MDGA1: variants seen among roughly 807,000 people sequenced by gnomAD.
MDGA1 encodes MAM domain-containing glycosylphosphatidylinositol anchor protein 1.
Under a neutral mutation model 101.5 loss-of-function variants are expected in MDGA1, and 54 were observed. The observed-to-expected ratio is 0.53, with a 90% CI of 0.43 to 0.67. The LOEUF (loss-of-function observed/expected upper bound fraction) is 0.67. Ranked by LOEUF, MDGA1 falls within the 30% of genes least tolerant of loss-of-function variation. The pLI, the probability that MDGA1 is intolerant of heterozygous loss-of-function variation, is 0.00. For missense variants in MDGA1, 1,083 were observed against 1,323.8 expected (o/e 0.82, Z 2.82); for synonymous variants, 533 against 558.3 (o/e 0.95, Z 0.64).
At chr6:37,641,679 T>C (rs974064937) in intron 14 of MDGA1, 2 of 152,228 alleles carry the variant, frequency 1.3e-5, no homozygotes, top group Non-Finnish European at 2.9e-5. Flanking sequence ...ACATAAAACA[T>C]AGCCAGTGCT....
At chr6:37,664,192 G>T in intron 1 of MDGA1, 86 bp from the exon 2 acceptor site, 1 of 1,555,270 alleles carries the variant, frequency 6.4e-7, no homozygotes. Flanking sequence ...GTGTATCTGG[G>T]AGGGGTCAGC....
chr6:37,664,230 G>A (rs766630397), intron 1 of MDGA1, 124 bp from the exon 2 acceptor site: 6 of 1,252,024 alleles, frequency 4.8e-6, no homozygotes, highest in Non-Finnish European at 6.8e-6. Flanking sequence ...ATTCCTCAGA[G>A]GCCTGACCCC....
chr6:37,632,527 T>A lies in MDGA1; in HGVS notation c.*4841A>T, dbSNP rs1450332765. ...CGGCTGACGCTGAGCGCTAGAACAC[T>A]GCAGCTTTATTGATAGAACAACCGC... On this transcript the variant is annotated 3_prime_UTR_variant, in exon 17 of 17. Coordinates refer to ENST00000434837, the MANE Select transcript of MDGA1 (RefSeq NM_153487.4). 1 of 152,772 alleles carries A rather than the reference T, an allele frequency of 6.5e-6. No individual in the cohort carries two copies. Among genetic ancestry groups the A allele is most frequent in the Non-Finnish European group, 1.5e-5 (1 of 68,094 alleles). 9.5% of individuals were successfully genotyped at this position (152,772 alleles called of 1,614,324 possible).
chr6:37,635,388 G>A lies in MDGA1; in HGVS notation c.*1980C>T, dbSNP rs1451956588. On this transcript the variant is annotated 3_prime_UTR_variant, in exon 17 of 17. Coordinates refer to ENST00000434837, the MANE Select transcript of MDGA1 (RefSeq NM_153487.4). ...CAGTCTAGTTGGGGCAATGGACTCTGCACAGATGGGACAGTTAAGGAACAA... is the reference window on the plus strand; with the variant it reads ...CAGTCTAGTTGGGGCAATGGACTCTACACAGATGGGACAGTTAAGGAACAA... The A allele has an allele frequency of 7.5e-6, 3 of 398,010 alleles. No individual in the cohort carries two copies. Among genetic ancestry groups the A allele is most frequent in the Non-Finnish European group, 1.3e-5 (3 of 226,124 alleles). 24.7% of individuals were successfully genotyped at this position (398,010 alleles called of 1,614,324 possible).
At chr6:37,659,070 G>A (rs1031472405) in intron 2 of MDGA1, among the ~76,000 whole-genome samples, 27 of 152,212 alleles carry the variant, frequency 1.8e-4, no homozygotes, top group Middle Eastern at 6.8e-3. Context: ...GGCTCACTTG[G>A]GGAGGAATTG....
intron 1 of MDGA1, among the ~76,000 whole-genome samples, chr6:37,694,218 C>T (rs118152566): frequency 6.6e-6 from 1 of 152,208 alleles, no homozygotes; most frequent in Non-Finnish European, 1.5e-5. Context: ...AGGCTTCCAG[C>T]CTCTTCTCTC....
At chr6:37,647,085 G>T (rs574364508) in intron 10 of MDGA1, 88 bp downstream of exon 10, 3 of 1,278,208 alleles carry the variant, frequency 2.3e-6, no homozygotes, top group Non-Finnish European at 1.1e-6. Context: ...CCCCATCTCC[G>T]ACCCTTCCTC....
intron 1 of MDGA1, among the ~76,000 whole-genome samples, chr6:37,671,526 G>A (rs975884823): frequency 6.6e-6 from 1 of 152,222 alleles, no homozygotes; most frequent in Non-Finnish European, 1.5e-5. Context: ...AGCCGAGGCA[G>A]AATGCTGCTG....
intron 1 of MDGA1, among the ~76,000 whole-genome samples, chr6:37,681,766 AC>A (rs1762101438): frequency 1.5e-5 from 2 of 137,770 alleles, no homozygotes; most frequent in Non-Finnish European, 3.1e-5. Flanking sequence ...ACACACACAC[AC>A]TGATCTCCAA....
chr6:37,655,715 C>T lies in MDGA1; in HGVS notation c.564G>A (p.Glu188=). 6 of 1,610,618 alleles carry T rather than the reference C, an allele frequency of 3.7e-6. No individual in the cohort carries two copies. The highest frequency in any genetic ancestry group is 1.7e-4 in the Middle Eastern group (1 of 6,054). The change falls in exon 4 of 17, where the codon GAG becomes GAA. Residue 188 remains glutamate (E), a synonymous_variant. Coordinates refer to ENST00000434837, the MANE Select transcript of MDGA1 (RefSeq NM_153487.4). This position sits in a 1 kb window ranked among gnomAD's most constrained non-coding sequence, Gnocchi z 5.1. ...HSQDNGVDIY[E]PLYTQGETKV... ...CCATCCTGACCTGAGTGTAGAGGGGCTCATAGATGTCAACCCCATTGTCCT... is the reference window on the plus strand; with the variant it reads ...CCATCCTGACCTGAGTGTAGAGGGGTTCATAGATGTCAACCCCATTGTCCT...
intron 1 of MDGA1, among the ~76,000 whole-genome samples, chr6:37,688,812 G>T (rs1293429192): frequency 6.6e-6 from 1 of 152,218 alleles, no homozygotes; most frequent in Non-Finnish European, 1.5e-5. Context: ...GGAAACTGAG[G>T]CTCAGAGAGG....
intron 2 of MDGA1, among the ~76,000 whole-genome samples, chr6:37,663,597 G>C (rs1200725504): frequency 1.3e-5 from 2 of 152,232 alleles, no homozygotes; most frequent in African/African-American, 4.8e-5. Flanking sequence ...ACAGCTGTGA[G>C]GCTCCACAGG....
chr6:37,658,521 T>C, intron 2 of MDGA1, 102 bp from the exon 3 acceptor site: 3 of 1,260,336 alleles, frequency 2.4e-6, no homozygotes, highest in Non-Finnish European at 2.2e-6. Context: ...CCCATACTTT[T>C]TCACAAGCGC....
intron 1 of MDGA1, among the ~76,000 whole-genome samples, chr6:37,680,456 T>A (rs1326831325): frequency 6.6e-6 from 1 of 152,088 alleles, no homozygotes; most frequent in Non-Finnish European, 1.5e-5. Context: ...ATGCAAAGGA[T>A]GGGAGGAGCA....
At chr6:37,658,968 C>CAA (rs34087406) in intron 2 of MDGA1, among the ~76,000 whole-genome samples, 6,146 of 108,810 alleles carry the variant, frequency 0.056, 352 homozygotes, top group African/African-American at 0.12. Context: ...AAGACTGTTT[C>CAA]AAAAAAAAAA....
At chr6:37,639,075 T>C (rs1464459298) in intron 14 of MDGA1, 1 of 195,356 alleles carries the variant, frequency 5.1e-6, no homozygotes, top group African/African-American at 2.3e-5. Flanking sequence ...TGGCAGTACA[T>C]GACTTGTGGA....
rs186849758 is a variant in MDGA1 at position 37,649,938 on chromosome 6, C to T, written c.1609+171G>A. ...ATACTTGATGAAATGGAGCAAAGAA[C>T]ACAGACCTCCGTGTCCTACAGCATG... On this transcript the variant is annotated intron_variant, in intron 8 of 16. Transcript: ENST00000434837. The T allele has an allele frequency of 2.9e-5, 23 of 780,034 alleles. No individual in the cohort carries two copies. In the East Asian group the frequency reaches 5.8e-4, roughly 20 times the overall value. The allele number at this position is 780,034 out of a possible 1,614,324, so 48.3% of individuals were successfully genotyped here. A position where few individuals can be genotyped will look rare whatever the true frequency, so the allele number is the denominator to read the frequency against.
chr6:37,658,022 T>C (rs1761530907), intron 3 of MDGA1, among the ~76,000 whole-genome samples: 2 of 152,320 alleles, frequency 1.3e-5, no homozygotes, highest in South Asian at 4.1e-4. Context: ...CTGCCCTCCC[T>C]GCTCACCTCA....
chr6:37,655,021 C>T lies in MDGA1; in HGVS notation c.580-89G>A, dbSNP rs987946203. The T allele has an allele frequency of 1.7e-4, 248 of 1,484,920 alleles. No individual in the cohort carries two copies. Among genetic ancestry groups the T allele is most frequent in the Non-Finnish European group, 1.8e-4 (201 of 1,098,188 alleles). The allele number at this position is 1,484,920 out of a possible 1,614,324, so 92.0% of individuals were successfully genotyped here. A position where few individuals can be genotyped will look rare whatever the true frequency, so the allele number is the denominator to read the frequency against. On this transcript the variant is annotated intron_variant, in intron 4 of 16. Transcript: ENST00000434837. The surrounding 1 kb of genome is among the most constrained non-coding windows in gnomAD (Gnocchi z 5.1). The stretch of plus-strand genomic sequence containing the variant: ...ATTCACCCAGCACCAGAGCCTACCA[C>T]AAATGCCTGTCTAATTCCTCTCTTT...
Sources: gnomAD v4.1 joint callset for allele counts (sites outside exome capture counted in the v4.1 genomes callset) on GRCh38, gnomAD v4.1.1 for gene constraint, Gnocchi (gnomAD v3.1) non-coding constraint, MANE v1.5 for transcripts, NCBI Gene and HGNC (gene_info 2026-07-23, HGNC 2026-07-21) for gene names.